Variants in HECTD4 observed in about 807,000 individuals in gnomAD.
The protein encoded by HECTD4 is HECT domain E3 ubiquitin protein ligase 4, also known as probable E3 ubiquitin-protein ligase HECTD4.
A neutral mutation model predicts 471.5 loss-of-function variants in HECTD4; 114 were observed. The observed-to-expected ratio is 0.24, with a 90% CI of 0.21 to 0.28. The LOEUF (loss-of-function observed/expected upper bound fraction) is 0.28, where lower values mean the gene tolerates loss of function less well. Ranked by LOEUF, HECTD4 falls within the 10% of genes least tolerant of loss-of-function variation. The probability of loss-of-function intolerance (pLI) is 1.00; values close to 1 mark genes in which losing one functional copy is unlikely to be tolerated. For synonymous variants in HECTD4, 2,012 were observed against 2,256.0 expected, an observed-to-expected ratio of 0.89 and a Z score of 3.07; for missense variants, 3,866 against 5,651.5, an observed-to-expected ratio of 0.68 and a Z score of 10.13.
At position 112,235,064 on chromosome 12, in the gene HECTD4, T is replaced by C. The variant is rs1593960196; in HGVS notation, c.5915+13A>G. 1 of 1,555,252 alleles carries C rather than the reference T, an allele frequency of 6.4e-7. No individual in the cohort carries two copies. Among genetic ancestry groups the C allele is most frequent in the African/African-American group, 1.4e-5 (1 of 73,508 alleles). ...GCTTGAGGATGTGTAGCTATCACAA[T>C]CATTATGGTCACCTTAGCAATGGCT... is the stretch of plus-strand genomic sequence containing the variant. On this transcript the variant is annotated intron_variant, in intron 37 of 75. Transcript: ENST00000682272. This position sits in a 1 kb window ranked among gnomAD's most constrained non-coding sequence, Gnocchi z 5.0.
At chr12:112,214,878 G>A (rs933597834) in intron 48 of HECTD4, among the ~76,000 whole-genome samples, 8 of 152,164 alleles carry the variant, frequency 5.3e-5, no homozygotes, top group African/African-American at 1.9e-4. Context: ...CAGGGGCCGG[G>A]TGTGGTGGCT....
intron 17 of HECTD4, 133 bp from the exon 18 acceptor site, chr12:112,261,562 A>C (rs1366817561): frequency 1.1e-6 from 1 of 909,452 alleles, no homozygotes; most frequent in Non-Finnish European, 1.6e-6. Context: ...AGCCCAAAGC[A>C]GTAAATTCTG....
intron 7 of HECTD4, among the ~76,000 whole-genome samples, chr12:112,287,164 T>G (rs1566099468): frequency 6.6e-6 from 1 of 152,146 alleles, no homozygotes; most frequent in East Asian, 1.9e-4. Context: ...GCTCCCCATC[T>G]CCACCCCATG....
At position 112,180,542 on chromosome 12, in the gene HECTD4, A is replaced by AC. The variant is rs1377178039; in HGVS notation, c.10988-1146_10988-1145insG. On this transcript the variant is annotated intron_variant, in intron 62 of 75. Coordinates refer to ENST00000682272, the MANE Select transcript of HECTD4 (RefSeq NM_001388303.1). ...AGAGTGAGACTGTTTAAAAAAAAAA[A>AC]AACAACAACAACAAAAAAAAGGAAA... 5.9e-5 allele frequency among the ~76,000 whole-genome samples: 9 copies of AC among 151,628 alleles called. No homozygotes were observed. In the East Asian group the frequency reaches 1.2e-3, roughly 20 times the overall value.
At chr12:112,222,462 T>TTTGAGAA (rs1338751680) in intron 44 of HECTD4, among the ~76,000 whole-genome samples, 2 of 151,940 alleles carry the variant, frequency 1.3e-5, no homozygotes, top group Non-Finnish European at 2.9e-5. Flanking sequence ...AGGTCAGGAG[T>TTTGAGAA]TTGAGAACAG....
chr12:112,258,311 T>G (rs2135597220), intron 20 of HECTD4, 185 bp downstream of exon 20: 1 of 416,922 alleles, frequency 2.4e-6, no homozygotes, highest in Non-Finnish European at 4.2e-6. Context: ...ATGGGGAAAT[T>G]TATGCTAACC....
intron 60 of HECTD4, among the ~76,000 whole-genome samples, chr12:112,187,869 G>T (rs1390703507): frequency 7.0e-6 from 1 of 143,094 alleles, no homozygotes; most frequent in Non-Finnish European, 1.5e-5. Flanking sequence ...CTCGTGATCC[G>T]CCCGCCTTGG....
At chr12:112,224,489 A>C (rs2033179032) in intron 44 of HECTD4, among the ~76,000 whole-genome samples, 1 of 152,040 alleles carries the variant, frequency 6.6e-6, no homozygotes, top group Non-Finnish European at 1.5e-5. Context: ...GATGGTCTCC[A>C]TCTCCTGACC....
intron 7 of HECTD4, among the ~76,000 whole-genome samples, chr12:112,288,271 A>G (rs576685239): frequency 6.7e-6 from 1 of 149,338 alleles, no homozygotes; most frequent in Non-Finnish European, 1.5e-5. Flanking sequence ...GTGAGCGGAG[A>G]TCACACCTCT....
At chr12:112,183,372 C>T in intron 61 of HECTD4, 106 bp from the exon 62 acceptor site, 1 of 901,566 alleles carries the variant, frequency 1.1e-6, no homozygotes, top group Non-Finnish European at 1.7e-6. Context: ...TATTCATCTG[C>T]AGAGATGTGA....
At chr12:112,196,415 A>C (rs1200781455) in intron 55 of HECTD4, among the ~76,000 whole-genome samples, 3 of 152,110 alleles carry the variant, frequency 2.0e-5, no homozygotes, top group Non-Finnish European at 2.9e-5. Context: ...CAATAAACAC[A>C]CTTCTCCTGT....
chr12:112,200,244 C>T (rs1407151491), intron 55 of HECTD4, among the ~76,000 whole-genome samples: 1 of 151,866 alleles, frequency 6.6e-6, no homozygotes, highest in East Asian at 1.9e-4. Flanking sequence ...ACCTCCGTCT[C>T]TCGGGTTCAA....
intron 64 of HECTD4, 36 bp from the exon 65 acceptor site, chr12:112,176,738 G>T: frequency 7.3e-7 from 1 of 1,375,488 alleles, no homozygotes; most frequent in Non-Finnish European, 1.0e-6. Context: ...ACTAATGCAC[G>T]TTCACACCTC....
At chr12:112,230,624 A>G in intron 40 of HECTD4, 63 bp downstream of exon 40, 1 of 1,510,892 alleles carries the variant, frequency 6.6e-7, no homozygotes, top group Non-Finnish European at 8.9e-7. Flanking sequence ...CTTGCTGGGT[A>G]TGATTCTAAT....
At chr12:112,165,849 G>A (rs777418599) in intron 72 of HECTD4, among the ~76,000 whole-genome samples, 19 of 152,334 alleles carry the variant, frequency 1.2e-4, no homozygotes, top group Non-Finnish European at 2.4e-4. Flanking sequence ...GGAGACGACA[G>A]GGTCGGACCC....
chr12:112,211,547 A>G (rs1237638156), intron 49 of HECTD4, among the ~76,000 whole-genome samples: 1 of 151,634 alleles, frequency 6.6e-6, no homozygotes, highest in African/African-American at 2.4e-5. Flanking sequence ...AAAAAAAAAG[A>G]TAAGACGTGA....
At chr12:112,210,327 CT>C in intron 49 of HECTD4, 75 bp from the exon 50 acceptor site, 1 of 1,473,970 alleles carries the variant, frequency 6.8e-7, no homozygotes, top group African/African-American at 1.4e-5. Context: ...CAAGGCGCAG[CT>C]CACTAAACGT....
intron 62 of HECTD4, among the ~76,000 whole-genome samples, chr12:112,180,966 TA>T (rs1201169489): frequency 0.014 from 1,905 of 139,626 alleles, 17 homozygotes; most frequent in African/African-American, 0.03. Flanking sequence ...ACTTGTCAGC[TA>T]AAAAAAAAAA....
At chr12:112,312,117 G>C in intron 4 of HECTD4, among the ~76,000 whole-genome samples, 1 of 152,068 alleles carries the variant, frequency 6.6e-6, no homozygotes, top group East Asian at 1.9e-4. Context: ...TGAAAGGGAG[G>C]GAGGAACAGA....
Sources: gnomAD v4.1 joint callset for allele counts (sites outside exome capture counted in the v4.1 genomes callset) on GRCh38, gnomAD v4.1.1 for gene constraint, Gnocchi (gnomAD v3.1) non-coding constraint, MANE v1.5 for transcripts, NCBI Gene and HGNC (gene_info 2026-07-23, HGNC 2026-07-21) for gene names.